CNOT4: variants seen among roughly 807,000 people sequenced by gnomAD.
CNOT4 encodes CCR4-NOT transcription complex subunit 4.
CNOT4 carries 8 observed loss-of-function variants against 73.8 expected under a neutral mutation model. That is an observed-to-expected ratio of 0.11 (90% CI 0.06 to 0.20). CNOT4 has a LOEUF of 0.20. Among genes scored for constraint, CNOT4 ranks in the 10% least tolerant of loss-of-function variants. The pLI is 1.00. For missense variants in CNOT4, 564 were observed against 883.4 expected, an observed-to-expected ratio of 0.64 and a Z score of 4.58; for synonymous variants, 293 against 321.1, an observed-to-expected ratio of 0.91 and a Z score of 0.94.
intron 1 of CNOT4, among the ~76,000 whole-genome samples, chr7:135,470,839 G>T (rs538717363): frequency 6.6e-6 from 1 of 152,278 alleles, no homozygotes; most frequent in African/African-American, 2.4e-5. Context: ...TATTGAGTAG[G>T]AAGGAGTATG....
chr7:135,491,342 A>G (rs1803096999), intron 1 of CNOT4, among the ~76,000 whole-genome samples: 1 of 152,234 alleles, frequency 6.6e-6, no homozygotes, highest in South Asian at 2.1e-4. Context: ...GGGATATTCC[A>G]ATGTTTAGAG....
chr7:135,363,760 C>T lies in CNOT4; in HGVS notation c.1840+94G>A. 1 of 1,022,150 alleles carries T rather than the reference C, an allele frequency of 9.8e-7. No homozygotes were observed. The highest frequency in any genetic ancestry group is 1.6e-5 in the African/African-American group (1 of 62,274). The allele number at this position is 1,022,150 out of a possible 1,614,324, so 63.3% of individuals were successfully genotyped here. A position where few individuals can be genotyped will look rare whatever the true frequency, so the allele number is the denominator to read the frequency against. ...TCCACACTTGCGGCTTTGTGAAAAGCAGCTTATGTTGAAGAGATCTCGGTT... is the reference window on the plus strand; with the variant it reads ...TCCACACTTGCGGCTTTGTGAAAAGTAGCTTATGTTGAAGAGATCTCGGTT... On this transcript the variant is annotated intron_variant, in intron 11 of 11. Coordinates refer to ENST00000541284, the MANE Select transcript of CNOT4 (RefSeq NM_001190850.2). The surrounding 1 kb of genome is among the most constrained non-coding windows in gnomAD (Gnocchi z 4.3).
At chr7:135,481,203 T>A (rs1033294046) in intron 1 of CNOT4, among the ~76,000 whole-genome samples, 2 of 152,006 alleles carry the variant, frequency 1.3e-5, no homozygotes, top group Non-Finnish European at 2.9e-5. Context: ...GACAAGAGAC[T>A]AATATCCAGA....
rs577744947 is a variant in CNOT4, at chr7:135,370,974, A to C, written c.1628-6908T>G. Among the ~76,000 whole-genome samples, 29 of 152,358 alleles carry C rather than the reference A, an allele frequency of 1.9e-4. 3 individuals carry two copies. The South Asian group carries it at 5.6e-3, about 29-fold the overall frequency. ...TGTTTAAAGAAGGAATGTTTTATTA[A>C]AAACAAATACTCCACTATTATGTGT... On this transcript the variant is annotated intron_variant, in intron 10 of 11. Transcript: ENST00000541284.
At chr7:135,417,499 C>T (rs777424190) in intron 3 of CNOT4, among the ~76,000 whole-genome samples, 17 of 152,130 alleles carry the variant, frequency 1.1e-4, no homozygotes, top group Non-Finnish European at 2.2e-4. Flanking sequence ...AAAAAGTGGA[C>T]ACTGAGTCGG....
At chr7:135,382,935 T>C (rs1352024297) in intron 10 of CNOT4, among the ~76,000 whole-genome samples, 3 of 152,214 alleles carry the variant, frequency 2.0e-5, no homozygotes, top group Non-Finnish European at 4.4e-5. Flanking sequence ...TTCACCCTGC[T>C]CTACTACCTC....
intron 2 of CNOT4, among the ~76,000 whole-genome samples, chr7:135,435,125 A>C (rs1295228794): frequency 6.6e-6 from 1 of 152,152 alleles, no homozygotes; most frequent in Non-Finnish European, 1.5e-5. Context: ...CTAAATATTT[A>C]TCTCTCACAA....
intron 6 of CNOT4, among the ~76,000 whole-genome samples, chr7:135,412,211 G>A (rs1452720334): frequency 6.6e-6 from 1 of 151,826 alleles, no homozygotes; most frequent in African/African-American, 2.4e-5. Flanking sequence ...AGCTCAACTT[G>A]ATATTAAAAT....
intron 2 of CNOT4, among the ~76,000 whole-genome samples, chr7:135,427,232 C>T (rs1258381993): frequency 6.6e-6 from 1 of 152,102 alleles, no homozygotes; most frequent in Non-Finnish European, 1.5e-5. Flanking sequence ...ATGCTATTTA[C>T]ATGTGTCTTC....
chr7:135,384,849 C>T (rs1288636031), intron 10 of CNOT4: 15 of 679,152 alleles, frequency 2.2e-5, no homozygotes, highest in African/African-American at 3.5e-5. Flanking sequence ...TGTCTTAACA[C>T]TAAGTAGTCA....
rs1171026420 is a variant in CNOT4, at chr7:135,438,304, C to T, written c.28G>A (p.Asp10Asn). The T allele has an allele frequency of 1.2e-6, 2 of 1,613,030 alleles. No homozygotes were observed. The highest frequency in any genetic ancestry group is 1.7e-6 in the Non-Finnish European group (2 of 1,179,492). Residue 10 changes from aspartate to asparagine, a missense_variant, in exon 2 of 12, where the codon GAC (aspartate) becomes AAC (asparagine). This residue lies in a region of CNOT4 where 76 missense variants were observed against 208.7 expected (regional missense o/e 0.36). Transcript: ENST00000541284. Reference protein sequence around the residue: MSRSPDAKEDPVECPLCMEP... With the variant: MSRSPDAKENPVECPLCMEP... ...ATGCAAAGAGGGCACTCCACAGGGT[C>T]TTCCTTCGCATCAGGACTGCGAGAC...
chr7:135,364,198 T>A lies in CNOT4; in HGVS notation c.1628-132A>T. On this transcript the variant is annotated intron_variant, in intron 10 of 11. Transcript: ENST00000541284. This position sits in a 1 kb window ranked among gnomAD's most constrained non-coding sequence, Gnocchi z 4.3. ...TTTATTGAGCATTTAAAATGGGTTGTCCTAGCAAGATAAACTTGGTTAGGA... is the reference window on the plus strand; with the variant it reads ...TTTATTGAGCATTTAAAATGGGTTGACCTAGCAAGATAAACTTGGTTAGGA... 1.3e-6 allele frequency: 1 copy of A among 741,178 alleles called. No homozygotes were observed. The highest frequency in any genetic ancestry group is 2.2e-6 in the Non-Finnish European group (1 of 462,814). 45.9% of individuals were successfully genotyped at this position (741,178 alleles called of 1,614,324 possible). A position where few individuals can be genotyped will look rare whatever the true frequency, so the allele number is the denominator to read the frequency against.
At chr7:135,398,289 A>C in intron 7 of CNOT4, 63 bp from the exon 8 acceptor site, 1 of 842,270 alleles carries the variant, frequency 1.2e-6, no homozygotes, top group Admixed American at 2.3e-5. Flanking sequence ...ATAAAAACAA[A>C]CTCCTCAAAA....
intron 1 of CNOT4, among the ~76,000 whole-genome samples, chr7:135,503,434 G>C (rs1804135166): frequency 6.6e-6 from 1 of 151,272 alleles, no homozygotes; most frequent in Non-Finnish European, 1.5e-5. Context: ...CTGCACTCCA[G>C]CCTGGGCAAC....
chr7:135,444,544 T>TCTCA, intron 1 of CNOT4: 1 of 1,290,332 alleles, frequency 7.7e-7, no homozygotes, highest in East Asian at 2.3e-5. Context: ...CCTGCTTATA[T>TCTCA]CTCAGCATTT....
At chr7:135,507,367 C>G (rs1225859138) in intron 1 of CNOT4, among the ~76,000 whole-genome samples, 1 of 152,114 alleles carries the variant, frequency 6.6e-6, no homozygotes, top group African/African-American at 2.4e-5. Context: ...AAATATGAAG[C>G]TTCAGTGTTC....
At chr7:135,440,660 G>A (rs935761053) in intron 1 of CNOT4, among the ~76,000 whole-genome samples, 16 of 152,096 alleles carry the variant, frequency 1.1e-4, no homozygotes, top group South Asian at 4.1e-4. Context: ...AGTGGCTCAC[G>A]CCTATAATCC....
intron 10 of CNOT4, among the ~76,000 whole-genome samples, chr7:135,380,686 A>C (rs1421604267): frequency 6.6e-6 from 1 of 152,204 alleles, no homozygotes; most frequent in Non-Finnish European, 1.5e-5. Context: ...TGAATCTTAA[A>C]AGTTTTTTCC....
chr7:135,498,306 CAA>C (rs892476830), intron 1 of CNOT4, among the ~76,000 whole-genome samples: 4 of 152,134 alleles, frequency 2.6e-5, no homozygotes, highest in African/African-American at 7.2e-5. Flanking sequence ...TCTAATATGT[CAA>C]GTTTAAATTA....
Sources: allele counts gnomAD v4.1 joint callset (sites outside exome capture counted in the v4.1 genomes callset), GRCh38; gene constraint gnomAD v4.1.1; regional missense constraint gnomAD v4.1.1; non-coding constraint Gnocchi (gnomAD v3.1); transcripts MANE v1.5; gene names NCBI Gene and HGNC (gene_info 2026-07-23, HGNC 2026-07-21).